The following NOX4 variants were observed in gnomAD, a reference collection of about 807,000 sequenced individuals.
The protein encoded by NOX4 is kidney oxidase-1.
Under a neutral mutation model 87.6 loss-of-function variants are expected in NOX4, and 69 were observed. The observed-to-expected ratio is 0.79, with a 90% confidence interval of 0.65 to 0.96. The LOEUF is 0.96. Ranked by LOEUF, NOX4 falls within the 40% of genes least tolerant of loss-of-function variation. NOX4 has a pLI of 0.00. For synonymous variants in NOX4, 275 were observed against 238.2 expected (o/e 1.15, Z -1.42); for missense variants, 680 against 681.5 (o/e 1.00, Z 0.02).
the NOX4 span, among the ~76,000 whole-genome samples, chr11:89,553,238 G>A: frequency 6.6e-6 from 1 of 152,152 alleles, no homozygotes; most frequent in Admixed American, 6.6e-5. Context: ...GGGCAGGGTA[G>A]GGGTTGTCCT....
chr11:89,488,581 A>T (rs528446372), intron 2 of NOX4, among the ~76,000 whole-genome samples: 10 of 152,310 alleles, frequency 6.6e-5, no homozygotes, highest in Middle Eastern at 3.4e-3. Context: ...AGCTTATACT[A>T]TCTCACAAAG....
intron 16 of NOX4, among the ~76,000 whole-genome samples, chr11:89,337,069 T>C (rs1258890868): frequency 6.6e-6 from 1 of 152,054 alleles, no homozygotes; most frequent in Non-Finnish European, 1.5e-5. Context: ...ATGATGGCTA[T>C]CATTATTTTT....
intron 11 of NOX4, among the ~76,000 whole-genome samples, chr11:89,375,673 T>C (rs1212439338): frequency 1.3e-5 from 2 of 152,156 alleles, no homozygotes; most frequent in Non-Finnish European, 2.9e-5. Flanking sequence ...CCAAATAAAA[T>C]ATTATCTGCA....
At chr11:89,538,646 TG>T in the NOX4 span, among the ~76,000 whole-genome samples, 1 of 152,178 alleles carries the variant, frequency 6.6e-6, no homozygotes, top group East Asian at 1.9e-4. Context: ...ATCTTCTGTT[TG>T]GGGTTTCATT....
intron 16 of NOX4, 119 bp downstream of exon 16, chr11:89,337,328 G>T: frequency 6.9e-7 from 1 of 1,454,004 alleles, no homozygotes; most frequent in Non-Finnish European, 9.3e-7. Flanking sequence ...TTCCAAAGGA[G>T]GCTTTCCTCT....
upstream of NOX4, chr11:89,491,399 A>AGCCAGCCCGGGCGGGGTCT: frequency 1.5e-6 from 1 of 683,954 alleles, no homozygotes; most frequent in South Asian, 2.2e-5. Context: ...CCCGGCGCCG[A>AGCCAGCCCGGGCGGGGTCT]GCCAGCCCGG....
the NOX4 span, chr11:89,589,293 C>T: frequency 1.3e-5 from 2 of 152,158 alleles, no homozygotes; most frequent in Non-Finnish European, 2.9e-5. Context: ...TAAAAAGGGC[C>T]CAAAACTTGT....
the NOX4 span, among the ~76,000 whole-genome samples, chr11:89,564,471 G>A: frequency 6.6e-6 from 1 of 152,252 alleles, no homozygotes; most frequent in East Asian, 1.9e-4. Context: ...GGTTCAATCA[G>A]CTCCTAGCAG....
intron 6 of NOX4, among the ~76,000 whole-genome samples, chr11:89,434,774 A>G (rs1010244097): frequency 6.7e-6 from 1 of 149,582 alleles, no homozygotes; most frequent in African/African-American, 2.4e-5. Flanking sequence ...TTAATCAGCA[A>G]TAAAAAAAAA....
At chr11:89,395,399 A>G (rs1477129254) in intron 11 of NOX4, among the ~76,000 whole-genome samples, 1 of 152,150 alleles carries the variant, frequency 6.6e-6, no homozygotes, top group Non-Finnish European at 1.5e-5. Flanking sequence ...GATTCTGGAT[A>G]TTAGCTCTTT....
chr11:89,536,149 T>C, the NOX4 span, among the ~76,000 whole-genome samples: 13 of 140,114 alleles, frequency 9.3e-5, no homozygotes, highest in South Asian at 2.4e-4. Context: ...TTTTTTTTTT[T>C]TTTTTTTTTT....
intron 2 of NOX4, among the ~76,000 whole-genome samples, chr11:89,461,255 A>C (rs887570404): frequency 1.3e-5 from 2 of 152,080 alleles, no homozygotes; most frequent in Non-Finnish European, 2.9e-5. Flanking sequence ...ACATGTACAC[A>C]TATGTAACAA....
chr11:89,387,984 T>C (rs1359529049), intron 11 of NOX4, among the ~76,000 whole-genome samples: 1 of 152,190 alleles, frequency 6.6e-6, no homozygotes, highest in Non-Finnish European at 1.5e-5. Flanking sequence ...AGTCAACAAA[T>C]GGGTTCCAGC....
intron 2 of NOX4, among the ~76,000 whole-genome samples, chr11:89,457,961 T>C (rs1000530399): frequency 2.0e-5 from 3 of 152,288 alleles, no homozygotes; most frequent in South Asian, 2.1e-4. Flanking sequence ...AGAATCATTA[T>C]AGTTAAAATG....
the NOX4 span, among the ~76,000 whole-genome samples, chr11:89,518,903 A>T: frequency 1.8e-5 from 2 of 111,274 alleles, no homozygotes; most frequent in African/African-American, 7.9e-5. Context: ...TGATTATGAT[A>T]AAAAAATCAC....
intron 8 of NOX4, among the ~76,000 whole-genome samples, chr11:89,413,148 T>A (rs565580497): frequency 6.6e-6 from 1 of 152,208 alleles, no homozygotes; most frequent in African/African-American, 2.4e-5. Context: ...ACAGTTAAAA[T>A]GGCTTATATT....
chr11:89,475,352 G>A (rs1946122821), intron 2 of NOX4, among the ~76,000 whole-genome samples: 1 of 151,768 alleles, frequency 6.6e-6, no homozygotes, highest in African/African-American at 2.4e-5. Flanking sequence ...AGAAAATAAG[G>A]TAGGGCAAGT....
At chr11:89,545,651 C>T in the NOX4 span, 4 of 151,172 alleles carry the variant, frequency 2.6e-5, no homozygotes, top group East Asian at 3.9e-4. Flanking sequence ...GCATTGTAGC[C>T]CCTGAACTGA....
intron 7 of NOX4, among the ~76,000 whole-genome samples, chr11:89,426,790 C>G (rs535576504): frequency 1.3e-5 from 2 of 152,136 alleles, no homozygotes; most frequent in Admixed American, 6.5e-5. Flanking sequence ...GACTCCACCT[C>G]GGGGGGCAGG....
Sources: gnomAD v4.1 joint callset for allele counts (sites outside exome capture counted in the v4.1 genomes callset) on GRCh38, gnomAD v4.1.1 for gene constraint, MANE v1.5 for transcripts, NCBI Gene and HGNC (gene_info 2026-07-23, HGNC 2026-07-21) for gene names.